Variants in TMPRSS11B observed in about 807,000 individuals in gnomAD.
TMPRSS11B encodes the protein transmembrane protease serine 11B.
A neutral mutation model predicts 44.7 loss-of-function variants in TMPRSS11B; 53 were observed. The ratio of observed to expected loss-of-function variants is 1.19; its 90% CI spans 0.95 to 1.49. The LOEUF (loss-of-function observed/expected upper bound fraction) is 1.49. TMPRSS11B is among the 40% of genes most tolerant of loss of function. The probability of loss-of-function intolerance (pLI) is 0.00; values close to 1 mark genes in which losing one functional copy is unlikely to be tolerated. For synonymous variants in TMPRSS11B, 140 were observed against 159.2 expected (o/e 0.88, Z 0.91); for missense variants, 526 against 494.8 (o/e 1.06, Z -0.60).
At chr4:68,228,211 T>A in intron 9 of TMPRSS11B, 139 bp from the exon 10 acceptor site, 3 of 742,170 alleles carry the variant, frequency 4.0e-6, no homozygotes, top group Non-Finnish European at 6.1e-6. Flanking sequence ...CCCTTAGGAC[T>A]TTTTTTTAAA....
chr4:68,236,324 G>A, intron 2 of TMPRSS11B, 58 bp from the exon 3 acceptor site: 1 of 1,071,580 alleles, frequency 9.3e-7, no homozygotes, highest in Non-Finnish European at 1.4e-6. Flanking sequence ...TGACTTTAAA[G>A]CGATTTATAC....
chr4:68,243,314 C>T (rs771824236), intron 1 of TMPRSS11B, among the ~76,000 whole-genome samples: 3 of 152,136 alleles, frequency 2.0e-5, no homozygotes, highest in African/African-American at 4.8e-5. Flanking sequence ...CATCCAGGAC[C>T]AACTGACTTT....
chr4:68,235,972 T>C, intron 4 of TMPRSS11B, 30 bp downstream of exon 4: 1 of 1,422,852 alleles, frequency 7.0e-7, no homozygotes, highest in South Asian at 1.4e-5. Flanking sequence ...TACTTTCCTT[T>C]CATAAAATCT....
At chr4:68,237,809 G>T (rs1039124536) in intron 2 of TMPRSS11B, among the ~76,000 whole-genome samples, 4 of 152,106 alleles carry the variant, frequency 2.6e-5, no homozygotes, top group Admixed American at 2.0e-4. Flanking sequence ...TGAGTCCAGG[G>T]GTTCAAGACC....
At chr4:68,242,706 G>C (rs1261196563) in intron 1 of TMPRSS11B, among the ~76,000 whole-genome samples, 1 of 151,246 alleles carries the variant, frequency 6.6e-6, no homozygotes, top group African/African-American at 2.4e-5. Flanking sequence ...GAGTATCTGG[G>C]ACCACAGGGG....
rs1188509678 is a variant in TMPRSS11B at position 68,242,288 on chromosome 4, A to G, written c.9-484T>C. Among the ~76,000 whole-genome samples, 44 of 76,376 alleles carry G rather than the reference A, an allele frequency of 5.8e-4. 1 individual carries two copies. Among genetic ancestry groups the G allele is most frequent in the African/African-American group, 2.6e-3 (43 of 16,716 alleles). The allele number at this position is 76,376 out of a possible 152,430, so 50.1% of individuals were successfully genotyped here. ...TATAATATAATATTATATATATTAT[A>G]TTATACATAATATAATATATATAAT... On this transcript the variant is annotated intron_variant, in intron 1 of 9. Coordinates refer to ENST00000332644, the MANE Select transcript of TMPRSS11B (RefSeq NM_182502.3).
At chr4:68,243,965 CTT>C (rs1560446244) in intron 1 of TMPRSS11B, among the ~76,000 whole-genome samples, 2 of 152,086 alleles carry the variant, frequency 1.3e-5, no homozygotes, top group African/African-American at 4.8e-5. Context: ...ATGGCTTTCT[CTT>C]GTCAAAAATA....
rs1560445335 is a variant in TMPRSS11B, at chr4:68,242,221, T to TATTATATAC, written c.9-418_9-417insGTATATAAT. Reference sequence around the variant, plus strand: ...TAATATAATATAATATATATAATATTATATTATATTATATATATTATATTA... The same window carrying TATTATATAC: ...TAATATAATATAATATATATAATATTATTATATACATATTATATTATATATATTATATTA... On this transcript the variant is annotated intron_variant, in intron 1 of 9. Transcript: ENST00000332644. Among the ~76,000 whole-genome samples, 62 of 7,798 alleles carry TATTATATAC rather than the reference T, an allele frequency of 8.0e-3. 3 individuals carry two copies. Among genetic ancestry groups the TATTATATAC allele is most frequent in the African/African-American group, 0.012 (58 of 4,764 alleles). 5.1% of individuals were successfully genotyped at this position (7,798 alleles called of 152,430 possible).
At chr4:68,234,260 A>G (rs761584665) in intron 5 of TMPRSS11B, among the ~76,000 whole-genome samples, 1 of 152,118 alleles carries the variant, frequency 6.6e-6, no homozygotes, top group Non-Finnish European at 1.5e-5. Context: ...CTTGCAGTGT[A>G]ACCCTCATTC....
At position 68,232,383 on chromosome 4, in the gene TMPRSS11B, T is replaced by C; in HGVS notation, c.503A>G (p.Asn168Ser). The C allele has an allele frequency of 6.2e-7, 1 of 1,612,554 alleles. No homozygotes were observed. Among genetic ancestry groups the C allele is most frequent in the Non-Finnish European group, 8.5e-7 (1 of 1,179,230 alleles). The change falls in exon 6 of 10, where the codon AAC becomes AGC. Residue 168 changes from asparagine (N) to serine (S), a missense_variant. Coordinates refer to ENST00000332644, the MANE Select transcript of TMPRSS11B (RefSeq NM_182502.3). ...ISKAASEMLT[N>S]NCCGRQVANS... is the part of the protein sequence containing the mutation. ...TTAAAAGGTCCTTAACTTACAGTTG[T>C]TGGTAAGCATTTCAGAAGCAGCCTT...
chr4:68,235,781 CAGAAATTTGCT>C (rs1029479846), intron 4 of TMPRSS11B, among the ~76,000 whole-genome samples: 17 of 152,108 alleles, frequency 1.1e-4, no homozygotes, highest in Admixed American at 1.0e-3. Context: ...TTGCCCAGAA[CAGAAATTTGCT>C]AGATACAATG....
intron 2 of TMPRSS11B, 146 bp downstream of exon 2, chr4:68,241,543 T>C (rs1046550833): frequency 6.9e-6 from 4 of 580,788 alleles, no homozygotes; most frequent in African/African-American, 5.6e-5. Context: ...TTTTATAAAT[T>C]TCTGTGTCAT....
intron 1 of TMPRSS11B, among the ~76,000 whole-genome samples, chr4:68,242,596 G>A (rs1212153322): frequency 1.4e-5 from 2 of 147,124 alleles, no homozygotes; most frequent in East Asian, 4.0e-4. Context: ...TTGAGACAGA[G>A]CCTCACTCTG....
At position 68,245,542 on chromosome 4, in the gene TMPRSS11B, C is replaced by G. The variant is rs372796605; in HGVS notation, c.8+9G>C. On this transcript the variant is annotated intron_variant, in intron 1 of 9. Transcript: ENST00000332644. The stretch of plus-strand genomic sequence containing the variant: ...GCCAACTTGCTCTCCCCAGTGAAGT[C>G]CCCTTTACCTGTACATAATGTTCTG... 1 of 1,613,522 alleles carries G rather than the reference C, an allele frequency of 6.2e-7. No homozygotes were observed.
At chr4:68,240,778 A>G (rs1328425739) in intron 2 of TMPRSS11B, among the ~76,000 whole-genome samples, 1 of 152,128 alleles carries the variant, frequency 6.6e-6, no homozygotes, top group Non-Finnish European at 1.5e-5. Flanking sequence ...GAGGAGAAAC[A>G]AAGGAAAAGA....
intron 2 of TMPRSS11B, among the ~76,000 whole-genome samples, chr4:68,236,504 G>A (rs906954821): frequency 3.3e-5 from 5 of 151,962 alleles, no homozygotes; most frequent in African/African-American, 1.2e-4. Context: ...ATAATCCAAG[G>A]GAGGGAGAAA....
chr4:68,233,808 A>T (rs1260079483), intron 5 of TMPRSS11B, among the ~76,000 whole-genome samples: 2 of 152,044 alleles, frequency 1.3e-5, no homozygotes, highest in African/African-American at 4.8e-5. Context: ...CAGTCTCCTT[A>T]CTGAAAGACC....
At chr4:68,244,443 G>T (rs1297878304) in intron 1 of TMPRSS11B, among the ~76,000 whole-genome samples, 2 of 152,174 alleles carry the variant, frequency 1.3e-5, no homozygotes, top group East Asian at 1.9e-4. Context: ...TGGCCAACAT[G>T]GTGAAACCCC....
rs3068156 is a variant in TMPRSS11B at position 68,229,212 on chromosome 4, A to T, written c.946+45T>A. The T allele has an allele frequency of 0.017, 1,635 of 94,094 alleles. 68 individuals are homozygous for T. In the East Asian group the frequency reaches 0.5, roughly 29 times the overall value. The allele number at this position is 94,094 out of a possible 1,614,324, so 5.8% of individuals were successfully genotyped here. On this transcript the variant is annotated intron_variant, in intron 8 of 9. Coordinates refer to ENST00000332644, the MANE Select transcript of TMPRSS11B (RefSeq NM_182502.3). ...ATTGATTGATTGATTGATTGATTAA[A>T]TAGTTATTCCCATGCAGCTATTATG... is the stretch of plus-strand genomic sequence containing the variant.
Sources: allele counts gnomAD v4.1 joint callset (sites outside exome capture counted in the v4.1 genomes callset), GRCh38; gene constraint gnomAD v4.1.1; transcripts MANE v1.5; gene names NCBI Gene and HGNC (gene_info 2026-07-23, HGNC 2026-07-21).